The following METTL15 variants were observed in gnomAD, a reference collection of about 807,000 sequenced individuals.
METTL15 encodes methyltransferase 15, mitochondrial 12S rRNA N4-cytidine.
Under a neutral mutation model 38.3 loss-of-function variants are expected in METTL15, and 34 were observed. That is an observed-to-expected ratio of 0.89 (90% confidence interval 0.68 to 1.18). The LOEUF (loss-of-function observed/expected upper bound fraction) is 1.18. METTL15 is among the 50% of genes most tolerant of loss of function. The pLI, the probability that METTL15 is intolerant of heterozygous loss-of-function variation, is 0.00. For synonymous variants in METTL15, 162 were observed against 170.9 expected (o/e 0.95, Z 0.41); for missense variants, 438 against 498.4 (o/e 0.88, Z 1.15).
chr11:28,348,212 T>C (rs1850012645), intron 3 of METTL15, among the ~76,000 whole-genome samples: 1 of 152,240 alleles, frequency 6.6e-6, no homozygotes, highest in South Asian at 2.1e-4. Flanking sequence ...CTTTACCTCA[T>C]TTTGACCTAC....
At chr11:28,300,568 C>T (rs934897536) in intron 6 of METTL15, among the ~76,000 whole-genome samples, 1 of 152,138 alleles carries the variant, frequency 6.6e-6, no homozygotes, top group Non-Finnish European at 1.5e-5. Flanking sequence ...TGGAACAGAG[C>T]ACTTACAAGC....
At chr11:28,226,762 T>C (rs1219497863) in intron 4 of METTL15, among the ~76,000 whole-genome samples, 2 of 151,894 alleles carry the variant, frequency 1.3e-5, no homozygotes, top group Non-Finnish European at 2.9e-5. Flanking sequence ...AAAAATCTTA[T>C]AAAAGAATAC....
At chr11:28,300,792 A>G (rs1353402682) in intron 6 of METTL15, among the ~76,000 whole-genome samples, 1 of 152,178 alleles carries the variant, frequency 6.6e-6, no homozygotes, top group East Asian at 1.9e-4. Flanking sequence ...CATAAATAAC[A>G]AGTCCACATT....
chr11:28,409,217 C>T (rs1430577763), intron 5 of METTL15, among the ~76,000 whole-genome samples: 1 of 151,520 alleles, frequency 6.6e-6, no homozygotes, highest in Non-Finnish European at 1.5e-5. Flanking sequence ...CCCGTCTCTA[C>T]TAAAAATACA....
chr11:28,237,091 C>G (rs1353750030), intron 4 of METTL15, among the ~76,000 whole-genome samples: 2 of 152,058 alleles, frequency 1.3e-5, no homozygotes, highest in African/African-American at 4.8e-5. Context: ...TGGAGTTGCT[C>G]TTCTCGAGGA....
intron 6 of METTL15, 82 bp downstream of exon 6, chr11:28,297,013 G>GCACACA: frequency 7.2e-7 from 1 of 1,392,846 alleles, no homozygotes; most frequent in Non-Finnish European, 1.0e-6. Flanking sequence ...ATGCACGCAT[G>GCACACA]CACATGTGTG....
At chr11:28,379,608 A>G (rs1315364697) in intron 5 of METTL15, among the ~76,000 whole-genome samples, 1 of 152,090 alleles carries the variant, frequency 6.6e-6, no homozygotes, top group Non-Finnish European at 1.5e-5. Flanking sequence ...AACTTCTTTG[A>G]ACTTGTTTTG....
At chr11:28,321,395 A>G (rs190280313) in intron 6 of METTL15, among the ~76,000 whole-genome samples, 9 of 152,286 alleles carry the variant, frequency 5.9e-5, no homozygotes, top group Admixed American at 5.9e-4. Context: ...CCATTACACA[A>G]TGTTTTGTTA....
At chr11:28,515,005 T>C (rs1206370036) in intron 6 of METTL15, among the ~76,000 whole-genome samples, 1 of 152,208 alleles carries the variant, frequency 6.6e-6, no homozygotes, top group Admixed American at 6.5e-5. Flanking sequence ...TTTAAAGAAA[T>C]AATGATATCT....
intron 3 of METTL15, among the ~76,000 whole-genome samples, chr11:28,126,415 A>ATTTTTTT (rs1852488908): frequency 6.6e-6 from 1 of 151,922 alleles, no homozygotes; most frequent in South Asian, 2.1e-4. Flanking sequence ...GAAAGGTGGG[A>ATTTTTTT]TTTTTGTCTG....
In METTL15 at chr11:28,286,699, C is replaced by A. The variant is rs1590265194; in HGVS notation, c.408-3507C>A. 7.2e-5 allele frequency among the ~76,000 whole-genome samples: 11 copies of A among 152,098 alleles called. 2 individuals are homozygous for A. In the South Asian group the frequency reaches 2.3e-3, roughly 32 times the overall value. Reference sequence around the variant, plus strand: ...GTGAGCTGAGGACTGTGGTGTAAGACCCCAGATTAAGGCCTAGTTATTATG... The same window carrying A: ...GTGAGCTGAGGACTGTGGTGTAAGAACCCAGATTAAGGCCTAGTTATTATG... On this transcript the variant is annotated intron_variant, in intron 4 of 6. Coordinates refer to ENST00000407364, the MANE Select transcript of METTL15 (RefSeq NM_001113528.2).
intron 6 of METTL15, among the ~76,000 whole-genome samples, chr11:28,525,898 G>A (rs1170889561): frequency 6.6e-6 from 1 of 152,250 alleles, no homozygotes; most frequent in African/African-American, 2.4e-5. Context: ...ATGATGGAGA[G>A]GTGGGGAGTC....
intron 3 of METTL15, among the ~76,000 whole-genome samples, chr11:28,179,575 A>G (rs1469791419): frequency 1.3e-5 from 2 of 151,808 alleles, no homozygotes; most frequent in African/African-American, 2.4e-5. Flanking sequence ...TGTGATAGTC[A>G]TCTATATTGT....
At chr11:28,172,385 C>T (rs970536012) in intron 3 of METTL15, among the ~76,000 whole-genome samples, 1 of 152,008 alleles carries the variant, frequency 6.6e-6, no homozygotes, top group African/African-American at 2.4e-5. Context: ...ATTTAAAATA[C>T]GGCAACTTAG....
intron 4 of METTL15, among the ~76,000 whole-genome samples, chr11:28,240,795 G>A (rs1232654298): frequency 6.6e-6 from 1 of 152,124 alleles, no homozygotes; most frequent in African/African-American, 2.4e-5. Flanking sequence ...AAACATAGAT[G>A]ATAGAGGAAA....
chr11:28,207,943 A>T (rs1852433719), intron 3 of METTL15, among the ~76,000 whole-genome samples: 1 of 151,904 alleles, frequency 6.6e-6, no homozygotes, highest in African/African-American at 2.4e-5. Context: ...TTTCTGTGGG[A>T]TCTGTGGTGA....
At chr11:28,194,187 T>C (rs535489057) in intron 3 of METTL15, among the ~76,000 whole-genome samples, 9 of 37,822 alleles carry the variant, frequency 2.4e-4, no homozygotes, top group African/African-American at 8.7e-4. Context: ...TCTCTCTCTC[T>C]CTCTCCTCTC....
Position 28,353,025 on chromosome 11 carries a change from TA to T in METTL15, c.*258+871del, listed in dbSNP as rs1850055681. On this transcript the variant is annotated intron_variant and NMD_transcript_variant, in intron 4 of 7. Coordinates refer to the METTL15 transcript ENST00000532947. ...GGGAAACAGAGAGGCTTTTAAGCAG[TA>T]AAATTAGAACATCACTATGAAAGCA... 2.0e-5 allele frequency among the ~76,000 whole-genome samples: 3 copies of T among 152,274 alleles called. No individual in the cohort carries two copies. In the East Asian group the frequency reaches 5.8e-4, roughly 29 times the overall value.
At chr11:28,498,051 C>CAAAAAA (rs61242332) in intron 6 of METTL15, among the ~76,000 whole-genome samples, 1 of 139,868 alleles carries the variant, frequency 7.1e-6, no homozygotes. Flanking sequence ...GAGACTGTTT[C>CAAAAAA]AAAAAAAAAA....
Sources: gnomAD v4.1 joint callset for allele counts (sites outside exome capture counted in the v4.1 genomes callset) on GRCh38, gnomAD v4.1.1 for gene constraint, MANE v1.5 for transcripts, NCBI Gene and HGNC (gene_info 2026-07-23, HGNC 2026-07-21) for gene names.